The following KIF15 variants were observed in gnomAD, a reference collection of about 807,000 sequenced individuals.
The protein encoded by KIF15 is kinesin-like protein KIF15.
Under a neutral mutation model 190.6 loss-of-function variants are expected in KIF15, and 140 were observed. The observed-to-expected ratio is 0.73, with a 90% CI of 0.64 to 0.84. The LOEUF (loss-of-function observed/expected upper bound fraction) is 0.84, where lower values mean the gene tolerates loss of function less well. Ranked by LOEUF, KIF15 falls within the 40% of genes least tolerant of loss-of-function variation. The pLI is 0.00. For missense variants in KIF15, 1,372 were observed against 1,584.4 expected, an observed-to-expected ratio of 0.87 and a Z score of 2.28; for synonymous variants, 528 against 551.3, an observed-to-expected ratio of 0.96 and a Z score of 0.59.
At chr3:44,773,349 G>A (rs998861702) in intron 1 of KIF15, among the ~76,000 whole-genome samples, 30 of 152,176 alleles carry the variant, frequency 2.0e-4, no homozygotes, top group Non-Finnish European at 5.9e-5. Flanking sequence ...CTAGGGGAGG[G>A]GAGGACTCTG....
chr3:44,859,129 T>G (rs1257380436), intron 6 of KIF15, among the ~76,000 whole-genome samples: 1 of 152,162 alleles, frequency 6.6e-6, no homozygotes, highest in Non-Finnish European at 1.5e-5. Context: ...GTGGCCAGAT[T>G]TATGGCACTT....
In KIF15 at chr3:44,840,922, C is replaced by T. The variant is rs1187481774; in HGVS notation, c.3421-152C>T. The T allele has an allele frequency of 8.5e-6, 6 of 702,520 alleles. No individual in the cohort carries two copies. The Admixed American group carries it at 1.8e-4, about 21-fold the overall frequency. 43.5% of individuals were successfully genotyped at this position (702,520 alleles called of 1,614,324 possible). A position where few individuals can be genotyped will look rare whatever the true frequency, so the allele number is the denominator to read the frequency against. ...CTTCTGAGCTTAGGCAGTCCGCCCA[C>T]CTCGGCCTCCCAAAGTGCTAGGATT... On this transcript the variant is annotated intron_variant, in intron 28 of 34. Transcript: ENST00000326047.
At chr3:44,861,401 C>T (rs966070445) in intron 6 of KIF15, among the ~76,000 whole-genome samples, 2 of 152,118 alleles carry the variant, frequency 1.3e-5, no homozygotes, top group Non-Finnish European at 2.9e-5. Flanking sequence ...CTCATTTTTT[C>T]GGTTTTCTGT....
At position 44,767,224 on chromosome 3, in the gene KIF15, C is replaced by T. The variant is rs113187813; in HGVS notation, c.19+5340C>T. 4.8e-3 allele frequency among the ~76,000 whole-genome samples: 729 copies of T among 152,064 alleles called. 3 individuals are homozygous for T. The highest frequency in any genetic ancestry group is 6.8e-3 in the Middle Eastern group (2 of 294). On this transcript the variant is annotated intron_variant, in intron 1 of 34. Coordinates refer to ENST00000326047, the MANE Select transcript of KIF15 (RefSeq NM_020242.3). ...TCTTTTTTAACAGAATTATTCTGCCCGCTAGGTTGAGAAAAGATGAGAGTG... is the reference window on the plus strand; with the variant it reads ...TCTTTTTTAACAGAATTATTCTGCCTGCTAGGTTGAGAAAAGATGAGAGTG...
At chr3:44,777,400 A>G (rs1042503897) in intron 3 of KIF15, among the ~76,000 whole-genome samples, 1 of 152,124 alleles carries the variant, frequency 6.6e-6, no homozygotes, top group Non-Finnish European at 1.5e-5. Flanking sequence ...GCCAATAGAT[A>G]AGTAAAACGA....
At chr3:44,831,440 C>T (rs953444596) in intron 26 of KIF15, among the ~76,000 whole-genome samples, 4 of 152,156 alleles carry the variant, frequency 2.6e-5, no homozygotes, top group East Asian at 1.9e-4. Flanking sequence ...GCTGACACCA[C>T]GTTAACTTCC....
intron 4 of KIF15, 152 bp downstream of exon 4, chr3:44,778,343 A>T (rs761210031): frequency 6.0e-6 from 4 of 667,488 alleles, no homozygotes; most frequent in Non-Finnish European, 8.1e-6. Context: ...TGGGTCTCTC[A>T]CAGGTAAAAT....
chr3:44,820,921 G>A (rs1246275073), intron 20 of KIF15, among the ~76,000 whole-genome samples: 17 of 152,038 alleles, frequency 1.1e-4, no homozygotes, highest in African/African-American at 3.9e-4. Context: ...CTCCCAGTAG[G>A]GGCGGCCGGG....
rs1199266564 is a variant in KIF15 at position 44,775,270 on chromosome 3, A to G, written c.79A>G (p.Ile27Val). The G allele has an allele frequency of 6.2e-7, 1 of 1,613,340 alleles. No homozygotes were observed. The highest frequency in any genetic ancestry group is 8.5e-7 in the Non-Finnish European group (1 of 1,179,764). Reference sequence around the variant, plus strand: ...TGTCTTTAGTAATGAAGGTGATGCCATCAAAGTTTTTGTGCGAATTCGTCC... The same window carrying G: ...TGTCTTTAGTAATGAAGGTGATGCCGTCAAAGTTTTTGTGCGAATTCGTCC... ...SNQPSNEGDA[I>V]KVFVRIRPPA... Residue 27 changes from isoleucine to valine, a missense_variant, in exon 3 of 35, where the codon ATC becomes GTC. Ile to Val is a conservative substitution (Grantham distance 29, BLOSUM62 3). Transcript: ENST00000326047.
chr3:44,866,307 C>T (rs1050375332), intron 6 of KIF15, among the ~76,000 whole-genome samples: 2 of 152,076 alleles, frequency 1.3e-5, no homozygotes, highest in Non-Finnish European at 2.9e-5. Context: ...CTCCTGACCT[C>T]GTGATCTGCC....
chr3:44,839,791 C>T (rs1211116224), intron 27 of KIF15, among the ~76,000 whole-genome samples: 4 of 152,112 alleles, frequency 2.6e-5, no homozygotes, highest in South Asian at 2.1e-4. Flanking sequence ...TCTTTCTGTG[C>T]TGGCTTATTT....
intron 19 of KIF15, among the ~76,000 whole-genome samples, chr3:44,813,986 C>G (rs1392636124): frequency 6.6e-6 from 1 of 152,166 alleles, no homozygotes; most frequent in Non-Finnish European, 1.5e-5. Context: ...TTAATATTAA[C>G]AAAGCGTAGG....
At chr3:44,861,765 C>T (rs1457622739) in intron 6 of KIF15, 3 of 778,940 alleles carry the variant, frequency 3.9e-6, no homozygotes, top group Non-Finnish European at 5.9e-6. Flanking sequence ...GGGTCTCTGC[C>T]ACCTGGCCCG....
chr3:44,841,110 G>A lies in KIF15; in HGVS notation c.3457G>A (p.Ala1153Thr), dbSNP rs777104335. ...ACCACCTCACTTTCAAACACATTTG[G>A]CAAAACTCCTGGAAACACAAGAACA... ...KTPPHFQTHL[A>T]KLLETQEQEI... The change falls in exon 29 of 35, where the codon GCA (alanine) becomes ACA (threonine). Residue 1153 changes from alanine to threonine, a missense_variant. By Grantham distance (58) the Ala-to-Thr change is moderately conservative. Transcript: ENST00000326047. 1.2e-6 allele frequency: 2 copies of A among 1,613,462 alleles called. No individual in the cohort carries two copies. Among genetic ancestry groups the A allele is most frequent in the African/African-American group, 1.3e-5 (1 of 74,940 alleles).
intron 24 of KIF15, 64 bp from the exon 25 acceptor site, chr3:44,829,907 C>T: frequency 2.6e-6 from 2 of 774,810 alleles, no homozygotes; most frequent in Non-Finnish European, 3.8e-6. Context: ...AGTGATTTAC[C>T]ATTTAAAAAT....
At position 44,772,984 on chromosome 3, in the gene KIF15, C is replaced by A. The variant is rs1705705837; in HGVS notation, c.20-1411C>A. On this transcript the variant is annotated intron_variant, in intron 1 of 34. Coordinates refer to ENST00000326047, the MANE Select transcript of KIF15 (RefSeq NM_020242.3). ...TATGCCAGCATCCCATCCTAAGGTA[C>A]CCCTCTTTCTGACAGAGCCATACAG... Among the ~76,000 whole-genome samples, 5 of 152,110 alleles carry A rather than the reference C, an allele frequency of 3.3e-5. No individual in the cohort carries two copies. In the South Asian group the frequency reaches 1.0e-3, roughly 31 times the overall value.
chr3:44,850,193 C>T (rs1699012565), intron 32 of KIF15, among the ~76,000 whole-genome samples: 1 of 152,060 alleles, frequency 6.6e-6, no homozygotes, highest in South Asian at 2.1e-4. Context: ...TGACAAAGAC[C>T]ACCCAATTTA....
intron 6 of KIF15, chr3:44,861,880 C>T (rs554618678): frequency 4.0e-6 from 6 of 1,491,642 alleles, no homozygotes; most frequent in Middle Eastern, 1.8e-4. Flanking sequence ...GGCGCGCGCT[C>T]TGCCCTGCGG....
At chr3:44,791,453 AT>A in intron 7 of KIF15, among the ~76,000 whole-genome samples, 1 of 152,132 alleles carries the variant, frequency 6.6e-6, no homozygotes, top group African/African-American at 2.4e-5. Context: ...TGTCCTTTGC[AT>A]TTTCATTTAC....
Sources: gnomAD v4.1 joint callset for allele counts (sites outside exome capture counted in the v4.1 genomes callset) on GRCh38, gnomAD v4.1.1 for gene constraint, MANE v1.5 for transcripts, NCBI Gene and HGNC (gene_info 2026-07-23, HGNC 2026-07-21) for gene names.